ARK2C: variants seen among roughly 807,000 people sequenced by gnomAD.
ARK2C encodes the protein arkadia (RNF111) C-terminal like ring finger ubiquitin ligase 2C.
chr18:46,447,124 T>C, the ARK2C span, among the ~76,000 whole-genome samples: 1 of 152,252 alleles, frequency 6.6e-6, no homozygotes, highest in African/African-American at 2.4e-5. Flanking sequence ...CTGTCTGGCC[T>C]GTAGGTCTAG....
the ARK2C span, among the ~76,000 whole-genome samples, chr18:46,393,518 C>A: frequency 6.6e-6 from 1 of 152,192 alleles, no homozygotes; most frequent in Non-Finnish European, 1.5e-5. Flanking sequence ...CATACCCTGT[C>A]TGGACGCCCC....
the ARK2C span, among the ~76,000 whole-genome samples, chr18:46,382,291 G>A: frequency 1.3e-5 from 2 of 152,174 alleles, no homozygotes; most frequent in African/African-American, 4.8e-5. Context: ...GGCAGTGCAG[G>A]AGCCCGTGCC....
chr18:46,351,697 A>G, the ARK2C span, among the ~76,000 whole-genome samples: 1 of 152,196 alleles, frequency 6.6e-6, no homozygotes, highest in Non-Finnish European at 1.5e-5. Flanking sequence ...CCACTGAAAG[A>G]TAACTTAGAC....
chr18:46,396,731 A>G, the ARK2C span, among the ~76,000 whole-genome samples: 1 of 152,184 alleles, frequency 6.6e-6, no homozygotes, highest in Non-Finnish European at 1.5e-5. Context: ...AGGGGACTGC[A>G]GAGAAGGGAC....
At chr18:46,418,631 G>T in the ARK2C span, among the ~76,000 whole-genome samples, 1 of 152,172 alleles carries the variant, frequency 6.6e-6, no homozygotes, top group Non-Finnish European at 1.5e-5. Flanking sequence ...CTTCATCACG[G>T]CTGCTTCCCT....
At chr18:46,421,161 ATAC>A in the ARK2C span, among the ~76,000 whole-genome samples, 4 of 152,220 alleles carry the variant, frequency 2.6e-5, no homozygotes, top group African/African-American at 9.6e-5. Flanking sequence ...CTGGGCCCCT[ATAC>A]TCATTGCAAA....
chr18:46,365,002 G>C, the ARK2C span, among the ~76,000 whole-genome samples: 60,807 of 152,034 alleles, frequency 0.4, 12,516 homozygotes, highest in East Asian at 0.51. Context: ...TCTGTGACAG[G>C]AGAAGAGTGA....
At chr18:46,456,093 C>T in the ARK2C span, 1 of 1,478,668 alleles carries the variant, frequency 6.8e-7, no homozygotes. Flanking sequence ...AGGAGACCGC[C>T]ATTTTGATTC....
chr18:46,462,142 G>T, the ARK2C span: 1 of 152,348 alleles, frequency 6.6e-6, no homozygotes, highest in Non-Finnish European at 1.5e-5. Flanking sequence ...GACCGGGAGT[G>T]GGCCTCCAGT....
chr18:46,362,169 C>T, the ARK2C span, among the ~76,000 whole-genome samples: 2 of 152,204 alleles, frequency 1.3e-5, no homozygotes, highest in East Asian at 1.9e-4. Context: ...AAGGGGCAGT[C>T]GCTGTCCCCT....
At chr18:46,356,868 C>T in the ARK2C span, among the ~76,000 whole-genome samples, 24,727 of 152,084 alleles carry the variant, frequency 0.16, 2,542 homozygotes, top group East Asian at 0.33. Flanking sequence ...TCAGGGAAAA[C>T]GGAAACTCCA....
At chr18:46,416,124 G>A in the ARK2C span, among the ~76,000 whole-genome samples, 4 of 152,174 alleles carry the variant, frequency 2.6e-5, no homozygotes, top group African/African-American at 9.7e-5. Flanking sequence ...CAGCACATCT[G>A]GGAAAAGGCT....
At chr18:46,460,561 A>G in the ARK2C span, 3 of 152,504 alleles carry the variant, frequency 2.0e-5, no homozygotes, top group Non-Finnish European at 1.5e-5. Flanking sequence ...AAAGGATACT[A>G]ATTTTTTTTA....
At chr18:46,437,512 A>C in the ARK2C span, among the ~76,000 whole-genome samples, 1 of 152,096 alleles carries the variant, frequency 6.6e-6, no homozygotes, top group African/African-American at 2.4e-5. Context: ...CTTCTGCCCT[A>C]GGTCATTCCA....
the ARK2C span, among the ~76,000 whole-genome samples, chr18:46,417,741 G>C: frequency 6.6e-6 from 1 of 152,164 alleles, no homozygotes; most frequent in Non-Finnish European, 1.5e-5. Context: ...GGTGGCTCAC[G>C]CCTGTAAATC....
the ARK2C span, among the ~76,000 whole-genome samples, chr18:46,372,469 C>T: frequency 1.3e-5 from 2 of 152,230 alleles, no homozygotes; most frequent in South Asian, 4.1e-4. Flanking sequence ...TAAAGGGCAT[C>T]ATTGTCATCT....
At chr18:46,456,459 T>C in the ARK2C span, 10 of 1,253,014 alleles carry the variant, frequency 8.0e-6, no homozygotes, top group East Asian at 2.1e-4. Context: ...TGTGTGTCCC[T>C]GCTCCGCTCA....
At chr18:46,423,257 G>A in the ARK2C span, among the ~76,000 whole-genome samples, 1 of 152,192 alleles carries the variant, frequency 6.6e-6, no homozygotes, top group Non-Finnish European at 1.5e-5. Context: ...CTTGTCCTTG[G>A]CATTTCCTTA....
the ARK2C span, among the ~76,000 whole-genome samples, chr18:46,345,031 G>A: frequency 6.6e-6 from 1 of 151,230 alleles, no homozygotes; most frequent in Non-Finnish European, 1.5e-5. Flanking sequence ...CTGAGCTTGG[G>A]AGGCAGCTCC....
Sources: allele counts gnomAD v4.1 joint callset (sites outside exome capture counted in the v4.1 genomes callset), GRCh38; gene constraint gnomAD v4.1.1; transcripts MANE v1.5; gene names NCBI Gene and HGNC (gene_info 2026-07-23, HGNC 2026-07-21).